The following FAM76B variants were observed in gnomAD, a reference collection of about 807,000 sequenced individuals.
The protein encoded by FAM76B is family with sequence similarity 76 member B, also known as protein FAM76B.
A neutral mutation model predicts 51.8 loss-of-function variants in FAM76B; 16 were observed. The ratio of observed to expected loss-of-function variants is 0.31; its 90% confidence interval spans 0.21 to 0.47. The LOEUF (loss-of-function observed/expected upper bound fraction) is 0.47, where lower values mean the gene tolerates loss of function less well. Ranked by LOEUF, FAM76B falls within the 20% of genes least tolerant of loss-of-function variation. The pLI is 1.00. For synonymous variants in FAM76B, 166 were observed against 129.5 expected (o/e 1.28, Z -1.91); for missense variants, 342 against 392.6 (o/e 0.87, Z 1.09).
intron 2 of FAM76B, among the ~76,000 whole-genome samples, 159 bp from the exon 3 acceptor site, chr11:95,787,837 C>T (rs568963829): frequency 6.6e-6 from 1 of 152,226 alleles, no homozygotes; most frequent in Admixed American, 6.5e-5. Context: ...AGTTGTTTTA[C>T]CCAAATTAAC....
intron 5 of FAM76B, among the ~76,000 whole-genome samples, chr11:95,781,400 G>C (rs966138376): frequency 2.0e-5 from 3 of 152,086 alleles, no homozygotes; most frequent in African/African-American, 7.2e-5. Flanking sequence ...CCATCAAATA[G>C]AAAATAGTGT....
rs1027132935 is a variant in FAM76B at position 95,769,007 on chromosome 11, G to A, written c.*2554C>T. ...TTGGATCTAGAAAAAAGTACAAAAT[G>A]TCAACAGTCAGATGTGTACAAGTAC... On this transcript the variant is annotated 3_prime_UTR_variant, in exon 10 of 10. Coordinates refer to ENST00000358780, the MANE Select transcript of FAM76B (RefSeq NM_144664.5). 2.0e-5 allele frequency: 3 copies of A among 152,482 alleles called. No individual in the cohort carries two copies. The highest frequency in any genetic ancestry group is 2.0e-4 in the Admixed American group (3 of 15,254). 9.4% of individuals were successfully genotyped at this position (152,482 alleles called of 1,614,324 possible).
At chr11:95,784,593 ATTTT>A (rs1207939051) in intron 4 of FAM76B, among the ~76,000 whole-genome samples, 6 of 133,894 alleles carry the variant, frequency 4.5e-5, no homozygotes, top group South Asian at 2.4e-4. Context: ...CACACACACA[ATTTT>A]TTTTTTTTTT....
chr11:95,786,333 A>G (rs1860585761), intron 3 of FAM76B, 59 bp from the exon 4 acceptor site: 1 of 1,570,652 alleles, frequency 6.4e-7, no homozygotes, highest in Admixed American at 1.8e-5. Context: ...GGCATAGCAT[A>G]TACCCAGTGT....
intron 5 of FAM76B, among the ~76,000 whole-genome samples, chr11:95,780,157 A>G (rs1201971445): frequency 6.6e-6 from 1 of 151,842 alleles, no homozygotes; most frequent in Non-Finnish European, 1.5e-5. Context: ...AATTCTTTAT[A>G]ATCAGGATCT....
chr11:95,772,967 G>A (rs1859835779), intron 9 of FAM76B, among the ~76,000 whole-genome samples: 2 of 150,842 alleles, frequency 1.3e-5, no homozygotes, highest in South Asian at 4.2e-4. Flanking sequence ...AATAACTAAG[G>A]TGGTAACGAA....
At position 95,769,073 on chromosome 11, in the gene FAM76B, T is replaced by C. The variant is rs554819190; in HGVS notation, c.*2488A>G. On this transcript the variant is annotated 3_prime_UTR_variant, in exon 10 of 10. Transcript: ENST00000358780. ...TATACATGTGAACAGCTTAACAGGT[T>C]CACTGCAGAATGCATATTTAGACCA... 90 of 152,532 alleles carry C rather than the reference T, an allele frequency of 5.9e-4. No homozygotes were observed. Among genetic ancestry groups the C allele is most frequent in the African/African-American group, 1.9e-3 (79 of 41,550 alleles). The allele number at this position is 152,532 out of a possible 1,614,324, so 9.4% of individuals were successfully genotyped here.
chr11:95,772,667 T>G (rs369788033), intron 9 of FAM76B, among the ~76,000 whole-genome samples: 1 of 151,210 alleles, frequency 6.6e-6, no homozygotes, highest in Non-Finnish European at 1.5e-5. Context: ...TTTTATTATA[T>G]AGACAGACTT....
intron 3 of FAM76B, chr11:95,786,814 G>A (rs1437424728): frequency 1.3e-5 from 2 of 152,364 alleles, no homozygotes; most frequent in Non-Finnish European, 2.9e-5. Flanking sequence ...ATATTCAAAA[G>A]ATGATTCAGG....
chr11:95,771,706 G>T, intron 9 of FAM76B, 56 bp from the exon 10 acceptor site: 1 of 1,343,562 alleles, frequency 7.4e-7, no homozygotes, highest in Non-Finnish European at 1.1e-6. Context: ...ATTAAGTCAT[G>T]CTGAAGAATA....
chr11:95,779,772 T>G (rs547092228), intron 6 of FAM76B, 85 bp from the exon 7 acceptor site: 1 of 1,553,864 alleles, frequency 6.4e-7, no homozygotes, highest in East Asian at 2.3e-5. Flanking sequence ...CCTAAAATAT[T>G]ACTGAAAATA....
Position 95,789,533 on chromosome 11 carries a change from G to C in FAM76B, c.-55C>G. On this transcript the variant is annotated 5_prime_UTR_variant, in exon 1 of 10. Transcript: ENST00000358780. ...GCCCGCTCCGAGGCGGGGCCCTACG[G>C]AGAACCCGAGAGCCGCCGCCGCCCG... 1.3e-6 allele frequency: 2 copies of C among 1,507,548 alleles called. No homozygotes were observed. The highest frequency in any genetic ancestry group is 1.8e-6 in the Non-Finnish European group (2 of 1,115,628). The allele number at this position is 1,507,548 out of a possible 1,614,324, so 93.4% of individuals were successfully genotyped here.
chr11:95,782,320 T>C (rs185405463), intron 5 of FAM76B, among the ~76,000 whole-genome samples: 5 of 152,268 alleles, frequency 3.3e-5, no homozygotes, highest in African/African-American at 9.6e-5. Flanking sequence ...AGAATTTTTT[T>C]TTCCCAACCA....
At position 95,789,753 on chromosome 11, in the gene FAM76B, GT is replaced by G. The variant is rs1464158278; in HGVS notation, c.-276del. ...CGGAGGGAGACGAAGCGGGTAGGGG[GT>G]TGCTGTTTAGCTGTGCGGCCGTGGA... On this transcript the variant is annotated 5_prime_UTR_variant, in exon 1 of 10. Transcript: ENST00000358780. The G allele has an allele frequency of 2.3e-6, 1 of 442,286 alleles. No individual in the cohort carries two copies. Among genetic ancestry groups the G allele is most frequent in the Non-Finnish European group, 4.0e-6 (1 of 250,794 alleles). The allele number at this position is 442,286 out of a possible 1,614,324, so 27.4% of individuals were successfully genotyped here.
Position 95,789,638 on chromosome 11 carries a change from A to C in FAM76B, c.-160T>G, listed in dbSNP as rs531953454. On this transcript the variant is annotated 5_prime_UTR_variant, in exon 1 of 10. Transcript: ENST00000358780. Reference sequence around the variant, plus strand: ...GCCGCGAGAGCCCAGGGCCCCGCGGACGACGCCACCGTCTCCCTCCGCCTC... The same window carrying C: ...GCCGCGAGAGCCCAGGGCCCCGCGGCCGACGCCACCGTCTCCCTCCGCCTC... 2.1e-3 allele frequency: 1,139 copies of C among 555,130 alleles called. 14 individuals are homozygous for C. Among genetic ancestry groups the C allele is most frequent in the African/African-American group, 0.02 (970 of 49,410 alleles). 34.4% of individuals were successfully genotyped at this position (555,130 alleles called of 1,614,324 possible).
At chr11:95,782,021 A>T (rs1251210403) in intron 5 of FAM76B, among the ~76,000 whole-genome samples, 1 of 152,198 alleles carries the variant, frequency 6.6e-6, no homozygotes, top group Non-Finnish European at 1.5e-5. Context: ...CTGAAACTTT[A>T]AAGACTCACA....
rs778138592 is a variant in FAM76B, at chr11:95,779,705, TAAG to T, written c.612-21_612-19del. On this transcript the variant is annotated intron_variant, in intron 6 of 9. Coordinates refer to ENST00000358780, the MANE Select transcript of FAM76B (RefSeq NM_144664.5). ...ATTTATGGCTGAAACCAAACATTAA[TAAG>T]AATAGTTAGAGTAAAAAGGACAGAG... is the stretch of plus-strand genomic sequence containing the variant. The T allele has an allele frequency of 8.7e-6, 14 of 1,602,078 alleles. No homozygotes were observed. In the Admixed American group the frequency reaches 1.6e-4, roughly 18 times the overall value.
chr11:95,786,070 G>A (rs750896848), intron 4 of FAM76B, 49 bp downstream of exon 4: 2 of 1,573,686 alleles, frequency 1.3e-6, no homozygotes, highest in African/African-American at 1.4e-5. Context: ...CAACTTGTTT[G>A]GCATTTTATT....
In FAM76B at chr11:95,788,464, G is replaced by A. The variant is rs1437864098; in HGVS notation, c.152+35C>T. 5.4e-6 allele frequency: 8 copies of A among 1,490,006 alleles called. No homozygotes were observed. In the Admixed American group the frequency reaches 1.4e-4, roughly 25 times the overall value. 92.3% of individuals were successfully genotyped at this position (1,490,006 alleles called of 1,614,324 possible). ...CAAGTATTCCATAAAGACAACACTT[G>A]TCTTTAACAGTCAAAAACTATTCAG... is the stretch of plus-strand genomic sequence containing the variant. On this transcript the variant is annotated intron_variant, in intron 2 of 9. Coordinates refer to ENST00000358780, the MANE Select transcript of FAM76B (RefSeq NM_144664.5).
Sources: gnomAD v4.1 joint callset for allele counts (sites outside exome capture counted in the v4.1 genomes callset) on GRCh38, gnomAD v4.1.1 for gene constraint, MANE v1.5 for transcripts, NCBI Gene and HGNC (gene_info 2026-07-23, HGNC 2026-07-21) for gene names.